MTOR: variants seen among roughly 807,000 people sequenced by gnomAD.
The protein encoded by MTOR is serine/threonine-protein kinase mTOR.
MTOR carries 70 observed loss-of-function variants against 319.8 expected under a neutral mutation model. The observed-to-expected ratio is 0.22, with a 90% CI of 0.18 to 0.27. The LOEUF (loss-of-function observed/expected upper bound fraction) is 0.27. Ranked by LOEUF, MTOR falls within the 10% of genes least tolerant of loss-of-function variation. The pLI is 1.00. For missense variants in MTOR, 1,890 were observed against 3,274.4 expected, an observed-to-expected ratio of 0.58 and a Z score of 10.32; for synonymous variants, 1,183 against 1,211.4, an observed-to-expected ratio of 0.98 and a Z score of 0.49.
chr1:11,151,999 G>A (rs1040007873), intron 30 of MTOR, among the ~76,000 whole-genome samples: 55 of 152,206 alleles, frequency 3.6e-4, no homozygotes, highest in Non-Finnish European at 7.3e-5. Context: ...AGGGAGCAAT[G>A]TAGGAACAGC....
chr1:11,111,437 C>T (rs867727188), intron 54 of MTOR: 5 of 183,818 alleles, frequency 2.7e-5, no homozygotes, highest in East Asian at 3.7e-4. Flanking sequence ...GCCGAGACTG[C>T]GCCACCATAC....
At chr1:11,156,887 G>A (rs1174361621) in intron 30 of MTOR, among the ~76,000 whole-genome samples, 1 of 152,172 alleles carries the variant, frequency 6.6e-6, no homozygotes, top group East Asian at 1.9e-4. Flanking sequence ...AGAGTAGACA[G>A]GAGAAGTAGA....
At position 11,247,286 on chromosome 1, in the gene MTOR, C is replaced by T. The variant is rs570729490; in HGVS notation, c.1225+339G>A. Among the ~76,000 whole-genome samples the T allele has an allele frequency of 9.8e-5, 15 of 152,298 alleles. 1 individual carries two copies. Among genetic ancestry groups the T allele is most frequent in the Admixed American group, 6.5e-4 (10 of 15,302 alleles). The stretch of plus-strand genomic sequence containing the variant: ...GGACAGAAGCAGGACGATCCCCAAA[C>T]CCTCCCTGACTCACAAAGCTTTGAC... On this transcript the variant is annotated intron_variant, in intron 8 of 57. Coordinates refer to ENST00000361445, the MANE Select transcript of MTOR (RefSeq NM_004958.4).
At chr1:11,261,689 C>T (rs1267528954) in intron 1 of MTOR, among the ~76,000 whole-genome samples, 1 of 151,954 alleles carries the variant, frequency 6.6e-6, no homozygotes, top group Non-Finnish European at 1.5e-5. Context: ...TACTCCACTG[C>T]CAAGAAGAAG....
chr1:11,139,374 T>C lies in MTOR; in HGVS notation c.5060A>G (p.His1687Arg), dbSNP rs376436419. Residue 1687 changes from histidine to arginine, a missense_variant, in exon 36 of 58, where the codon CAT (histidine) becomes CGT (arginine). Physicochemically the swap from His to Arg is conservative, Grantham distance 29 (BLOSUM62 0). This residue lies in a region of MTOR where 276 missense variants were observed against 459.4 expected (regional missense o/e 0.60). Transcript: ENST00000361445. ...LGVDPSRQLDHPLPTVHPQVT... is the reference protein window; with the variant it reads ...LGVDPSRQLDRPLPTVHPQVT... ...CTGAGGGTGAACTGTTGGCAGAGGA[T>C]GGTCAAGTTGCCGAGACGGATCAAC... The C allele has an allele frequency of 2.4e-5, 39 of 1,613,584 alleles. No individual in the cohort carries two copies. The highest frequency in any genetic ancestry group is 3.2e-5 in the Non-Finnish European group (38 of 1,179,914).
chr1:11,240,177 G>T, intron 11 of MTOR, 126 bp downstream of exon 11: 3 of 1,304,832 alleles, frequency 2.3e-6, no homozygotes, highest in Non-Finnish European at 2.1e-6. Context: ...AGGATGAGCT[G>T]CTACAGAATC....
rs2275942 is a variant in MTOR at position 11,146,633 on chromosome 1, A to T, written c.4686+43T>A. On this transcript the variant is annotated intron_variant, in intron 32 of 57. Coordinates refer to ENST00000361445, the MANE Select transcript of MTOR (RefSeq NM_004958.4). ...GCACCGTGGGCTTAGAAGCACTACA[A>T]TCTTTTCCTCACTGAGAGATCTGGG... 57,258 of 1,517,344 alleles carry T rather than the reference A, an allele frequency of 0.038. 1,941 individuals are homozygous for T. Among genetic ancestry groups the T allele is most frequent in the South Asian group, 0.11 (10,012 of 89,058 alleles). 94.0% of individuals were successfully genotyped at this position (1,517,344 alleles called of 1,614,324 possible).
chr1:11,212,349 T>C lies in MTOR; in HGVS notation c.3524A>G (p.Asp1175Gly). ...CTGAAAAACAAGTGAAGACAGCGTG[T>C]CCATGGCTGTGGAGCGCAGTTCTGG... is the stretch of plus-strand genomic sequence containing the variant. ...QSPELRSTAM[D>G]TLSSLVFQLG... The change falls in exon 23 of 58, where the codon GAC becomes GGC. Residue 1175 changes from aspartate to glycine, a missense_variant. This residue lies in a region of MTOR where 115 missense variants were observed against 105.7 expected (regional missense o/e 1.09). Coordinates refer to ENST00000361445, the MANE Select transcript of MTOR (RefSeq NM_004958.4). This position sits in a 1 kb window ranked among gnomAD's most constrained non-coding sequence, Gnocchi z 4.1. 6.2e-7 allele frequency: 1 copy of C among 1,614,116 alleles called. No homozygotes were observed. Among genetic ancestry groups the C allele is most frequent in the South Asian group, 1.1e-5 (1 of 91,070 alleles).
chr1:11,150,571 C>T (rs953651000), intron 30 of MTOR, among the ~76,000 whole-genome samples: 29 of 152,316 alleles, frequency 1.9e-4, no homozygotes, highest in African/African-American at 6.5e-4. Flanking sequence ...ACAGAGAAAG[C>T]AATCTGAAGA....
rs773075869 is a variant in MTOR, at chr1:11,112,931, T to C, written c.7301-14A>G. 1 of 1,612,554 alleles carries C rather than the reference T, an allele frequency of 6.2e-7. No homozygotes were observed. Among genetic ancestry groups the C allele is most frequent in the East Asian group, 2.2e-5 (1 of 44,868 alleles). On this transcript the variant is annotated splice_polypyrimidine_tract_variant and intron_variant, in intron 53 of 57. Transcript: ENST00000361445. ...CTTTGGTATTTGCTAGGGAGAGAAA[T>C]AAAGAGTATTGAAACATGCTTCAAA...
intron 9 of MTOR, 95 bp downstream of exon 9, chr1:11,243,019 C>A: frequency 7.1e-7 from 1 of 1,399,198 alleles, no homozygotes; most frequent in Non-Finnish European, 9.9e-7. Context: ...TTTAATGATG[C>A]AAAAAATGGG....
intron 29 of MTOR, among the ~76,000 whole-genome samples, chr1:11,160,473 G>A (rs1644445367): frequency 1.3e-5 from 2 of 152,260 alleles, no homozygotes; most frequent in Admixed American, 1.3e-4. Flanking sequence ...CTGTGGCCTA[G>A]ACACAATGCA....
chr1:11,115,515 G>C lies in MTOR; in HGVS notation c.7017-47C>G, dbSNP rs150306248. 2.0e-4 allele frequency: 312 copies of C among 1,575,250 alleles called. 1 individual carries two copies. Among genetic ancestry groups the C allele is most frequent in the Non-Finnish European group, 2.6e-4 (299 of 1,144,826 alleles). On this transcript the variant is annotated intron_variant, in intron 50 of 57. Transcript: ENST00000361445. The surrounding 1 kb of genome is among the most constrained non-coding windows in gnomAD (Gnocchi z 4.5). ...TCAGGGAGGGATCAACAGAGATAAC[G>C]GATGAAAAAATCAATAAGTACGTGA...
rs2100409953 is a variant in MTOR, at chr1:11,127,839, A to G, written c.6034-33T>C. On this transcript the variant is annotated intron_variant, in intron 43 of 57. Transcript: ENST00000361445. The surrounding 1 kb of genome is among the most constrained non-coding windows in gnomAD (Gnocchi z 5.5). ...CAAGAGAAGAAGGAGAGAAGCATCA[A>G]GAATCAGCTAACCTCAGAAAGGTCT... 6.3e-7 allele frequency: 1 copy of G among 1,599,378 alleles called. No individual in the cohort carries two copies. Among genetic ancestry groups the G allele is most frequent in the Non-Finnish European group, 8.5e-7 (1 of 1,172,646 alleles).
At chr1:11,251,206 C>A (rs1026702451) in intron 6 of MTOR, among the ~76,000 whole-genome samples, 2 of 152,196 alleles carry the variant, frequency 1.3e-5, no homozygotes, top group Non-Finnish European at 2.9e-5. Context: ...TCCCCACACA[C>A]TTCTCCTGCT....
chr1:11,107,165 T>TC lies in MTOR; in HGVS notation c.*319dup, dbSNP rs1254586130. 4.3e-6 allele frequency: 6 copies of TC among 1,382,180 alleles called. No homozygotes were observed. The highest frequency in any genetic ancestry group is 3.8e-6 in the Non-Finnish European group (4 of 1,049,976). The allele number at this position is 1,382,180 out of a possible 1,614,324, so 85.6% of individuals were successfully genotyped here. A position where few individuals can be genotyped will look rare whatever the true frequency, so the allele number is the denominator to read the frequency against. On this transcript the variant is annotated 3_prime_UTR_variant, in exon 58 of 58. Coordinates refer to ENST00000361445, the MANE Select transcript of MTOR (RefSeq NM_004958.4). The stretch of plus-strand genomic sequence containing the variant: ...ATCAGCAAGTACTTATGATGAGTTC[T>TC]CTTGTGAGTTAAGTCAAAACCCGTA...
chr1:11,229,825 A>T (rs1646959932), intron 18 of MTOR, among the ~76,000 whole-genome samples: 1 of 152,186 alleles, frequency 6.6e-6, no homozygotes, highest in South Asian at 2.1e-4. Context: ...GGCTATACAA[A>T]AAGTATCGAG....
chr1:11,141,122 CTTTCT>C (rs1473174453), intron 34 of MTOR, among the ~76,000 whole-genome samples: 4 of 151,822 alleles, frequency 2.6e-5, no homozygotes, highest in African/African-American at 4.8e-5. Context: ...AGAAATTCTT[CTTTCT>C]TTTTTTTTGA....
intron 28 of MTOR, chr1:11,194,899 T>G: frequency 6.2e-7 from 1 of 1,613,998 alleles, no homozygotes; most frequent in Non-Finnish European, 8.5e-7. Flanking sequence ...CTCAATGGAG[T>G]GTACTACCGC....
Sources: allele counts gnomAD v4.1 joint callset (sites outside exome capture counted in the v4.1 genomes callset), GRCh38; gene constraint gnomAD v4.1.1; regional missense constraint gnomAD v4.1.1; non-coding constraint Gnocchi (gnomAD v3.1); transcripts MANE v1.5; gene names NCBI Gene and HGNC (gene_info 2026-07-23, HGNC 2026-07-21).